SLC2A13: variants seen among roughly 807,000 people sequenced by gnomAD.
SLC2A13 encodes the protein proton myo-inositol cotransporter.
Under a neutral mutation model 64.4 loss-of-function variants are expected in SLC2A13, and 32 were observed. The observed-to-expected ratio is 0.50, with a 90% confidence interval of 0.37 to 0.67. The LOEUF (loss-of-function observed/expected upper bound fraction) is 0.67, where lower values mean the gene tolerates loss of function less well. Ranked by LOEUF, SLC2A13 falls within the 30% of genes least tolerant of loss-of-function variation. The pLI is 0.00. For synonymous variants in SLC2A13, 338 were observed against 327.1 expected (o/e 1.03, Z -0.36); for missense variants, 743 against 829.2 (o/e 0.90, Z 1.28).
intron 7 of SLC2A13, among the ~76,000 whole-genome samples, chr12:39,793,012 T>A (rs1055268175): frequency 6.6e-6 from 1 of 152,280 alleles, no homozygotes; most frequent in South Asian, 2.1e-4. Flanking sequence ...GTTAACAAAA[T>A]CTTTCACATT....
At chr12:40,015,379 A>G (rs890856769) in intron 3 of SLC2A13, among the ~76,000 whole-genome samples, 16 of 152,230 alleles carry the variant, frequency 1.1e-4, no homozygotes, top group African/African-American at 3.6e-4. Context: ...TCCTTATCAG[A>G]ACAAGCCTCT....
At chr12:39,809,209 A>C (rs752625155) in intron 7 of SLC2A13, among the ~76,000 whole-genome samples, 1 of 152,110 alleles carries the variant, frequency 6.6e-6, no homozygotes, top group African/African-American at 2.4e-5. Flanking sequence ...TTTTTTATTG[A>C]AAATCAATTG....
In SLC2A13 at chr12:39,791,218, A is replaced by G. The variant is rs1037404080; in HGVS notation, c.1446-26360T>C. Among the ~76,000 whole-genome samples, 4 of 150,034 alleles carry G rather than the reference A, an allele frequency of 2.7e-5. No individual in the cohort carries two copies. The East Asian group carries it at 6.0e-4, about 22-fold the overall frequency. On this transcript the variant is annotated intron_variant, in intron 7 of 9. Transcript: ENST00000280871. ...TCAATAAATTAGGTATTGATGGGAC[A>G]TATTTCAAAATAATAAGAGCTATCT...
intron 4 of SLC2A13, among the ~76,000 whole-genome samples, chr12:39,898,745 C>T (rs1396056630): frequency 6.6e-6 from 1 of 152,124 alleles, no homozygotes; most frequent in East Asian, 1.9e-4. Flanking sequence ...GGAATGGAAC[C>T]AGAGTCACCC....
intron 6 of SLC2A13, among the ~76,000 whole-genome samples, chr12:39,852,038 G>C (rs1444517716): frequency 1.3e-5 from 2 of 152,154 alleles, no homozygotes; most frequent in African/African-American, 2.4e-5. Flanking sequence ...CAGTTGCAGG[G>C]GATTTGTGGT....
chr12:39,847,632 G>A (rs1943354199), intron 6 of SLC2A13, among the ~76,000 whole-genome samples: 1 of 151,950 alleles, frequency 6.6e-6, no homozygotes, highest in Non-Finnish European at 1.5e-5. Flanking sequence ...TAGGAGCCTG[G>A]ATGCCTGATG....
intron 4 of SLC2A13, among the ~76,000 whole-genome samples, chr12:39,894,429 A>G (rs7299886): frequency 0.45 from 68,153 of 152,026 alleles, 15,628 homozygotes; most frequent in East Asian, 0.76. Context: ...AGATAAGTGA[A>G]CCCCTAATAC....
intron 7 of SLC2A13, among the ~76,000 whole-genome samples, chr12:39,796,695 T>C (rs1464989040): frequency 1.3e-5 from 2 of 152,136 alleles, no homozygotes; most frequent in Non-Finnish European, 2.9e-5. Flanking sequence ...TAGAATATAA[T>C]ATGATTGAAA....
At position 39,984,427 on chromosome 12, in the gene SLC2A13, C is replaced by A. The variant is rs919148542; in HGVS notation, c.926-33062G>T. Among the ~76,000 whole-genome samples the A allele has an allele frequency of 3.3e-5, 5 of 151,920 alleles. No individual in the cohort carries two copies. In the South Asian group the frequency reaches 1.0e-3, roughly 32 times the overall value. ...ATAAAAGAGACGGAAATAAAAATAA[C>A]TTTAAAAAGTTAAATGTTTTTCATT... On this transcript the variant is annotated intron_variant, in intron 3 of 9. Transcript: ENST00000280871.
intron 4 of SLC2A13, among the ~76,000 whole-genome samples, chr12:39,873,523 A>G (rs2135943516): frequency 6.6e-6 from 1 of 152,358 alleles, no homozygotes; most frequent in South Asian, 2.1e-4. Flanking sequence ...AGAAAATTCA[A>G]ATATTTAAAG....
Position 40,076,036 on chromosome 12 carries a change from C to A in SLC2A13, c.557-27826G>T, listed in dbSNP as rs192215434. ...TAAAGTTTTTGTGTGATAAATCCAC[C>A]ATCTGGGTCATCTTGTAGTGAGCAC... On this transcript the variant is annotated intron_variant, in intron 1 of 9. Transcript: ENST00000280871. Among the ~76,000 whole-genome samples the A allele has an allele frequency of 1.1e-4, 16 of 152,256 alleles. No individual in the cohort carries two copies. In the East Asian group the frequency reaches 2.9e-3, roughly 28 times the overall value.
chr12:40,051,877 C>T (rs1258819454), intron 1 of SLC2A13, among the ~76,000 whole-genome samples: 1 of 152,082 alleles, frequency 6.6e-6, no homozygotes, highest in South Asian at 2.1e-4. Context: ...GATGCATGAT[C>T]AGGTTCAATG....
chr12:39,978,740 TG>T (rs1186889546), intron 3 of SLC2A13, among the ~76,000 whole-genome samples: 1 of 152,008 alleles, frequency 6.6e-6, no homozygotes, highest in East Asian at 1.9e-4. Context: ...GCAGCAAGGC[TG>T]GGGGAGAGGC....
Position 39,960,658 on chromosome 12 carries a change from C to T in SLC2A13, c.926-9293G>A, listed in dbSNP as rs142800247. Among the ~76,000 whole-genome samples the T allele has an allele frequency of 1.4e-3, 206 of 151,702 alleles. 1 individual carries two copies. Among genetic ancestry groups the T allele is most frequent in the African/African-American group, 4.6e-3 (192 of 41,388 alleles). ...ACCTCCAAAGTGTTGGGATTACAGGCGTGAGCCACCGCGCCCGGCCTAATA... is the reference window on the plus strand; with the variant it reads ...ACCTCCAAAGTGTTGGGATTACAGGTGTGAGCCACCGCGCCCGGCCTAATA... On this transcript the variant is annotated intron_variant, in intron 3 of 9. Transcript: ENST00000280871.
chr12:40,085,024 A>G (rs1938545868), intron 1 of SLC2A13, among the ~76,000 whole-genome samples: 1 of 152,220 alleles, frequency 6.6e-6, no homozygotes, highest in African/African-American at 2.4e-5. Flanking sequence ...AGGTAATGAT[A>G]TAATTGATTA....
At chr12:39,939,693 T>C (rs988506949) in intron 4 of SLC2A13, among the ~76,000 whole-genome samples, 4 of 152,220 alleles carry the variant, frequency 2.6e-5, no homozygotes, top group African/African-American at 4.8e-5. Context: ...TCTAAGACAA[T>C]GATCAGCATG....
chr12:39,885,070 G>C (rs1944436383), intron 4 of SLC2A13, among the ~76,000 whole-genome samples: 1 of 152,238 alleles, frequency 6.6e-6, no homozygotes, highest in South Asian at 2.1e-4. Context: ...GATATGAATT[G>C]TGACTACATT....
chr12:39,938,349 A>G, intron 4 of SLC2A13, among the ~76,000 whole-genome samples: 1 of 152,054 alleles, frequency 6.6e-6, no homozygotes, highest in Non-Finnish European at 1.5e-5. Flanking sequence ...AGGTTGTATT[A>G]ATATTTGATG....
At chr12:39,979,360 C>T (rs1324207793) in intron 3 of SLC2A13, among the ~76,000 whole-genome samples, 22 of 148,652 alleles carry the variant, frequency 1.5e-4, no homozygotes, top group South Asian at 4.4e-4. Flanking sequence ...AGGCTTCAGA[C>T]GATCAAATTA....
Sources: allele counts gnomAD v4.1 joint callset (sites outside exome capture counted in the v4.1 genomes callset), GRCh38; gene constraint gnomAD v4.1.1; transcripts MANE v1.5; gene names NCBI Gene and HGNC (gene_info 2026-07-23, HGNC 2026-07-21).